Variants in TEX11 observed in about 807,000 individuals in gnomAD.
TEX11 encodes testis-expressed protein 11.
A neutral mutation model predicts 84.4 loss-of-function variants in TEX11; 7 were observed. That is an observed-to-expected ratio of 0.08 (90% CI 0.05 to 0.16). TEX11 has a LOEUF of 0.16. TEX11 is among the 10% of genes least tolerant of loss of function. The pLI, the probability that TEX11 is intolerant of heterozygous loss-of-function variation, is 1.00. For missense variants in TEX11, 551 were observed against 660.5 expected (o/e 0.83, Z 1.82); for synonymous variants, 264 against 222.8 (o/e 1.18, Z -1.64).
intron 2 of TEX11, among the ~76,000 whole-genome samples, chrX:70,885,043 G>C (rs1029647248): frequency 9.0e-6 from 1 of 111,036 alleles, no homozygotes; most frequent in South Asian, 3.9e-4. Flanking sequence ...ACAGTGGCTT[G>C]AGCTGGTACA....
intron 24 of TEX11, among the ~76,000 whole-genome samples, chrX:70,604,366 T>G (rs2089170793): frequency 9.0e-6 from 1 of 111,538 alleles, no homozygotes; most frequent in Non-Finnish European, 1.9e-5. Flanking sequence ...TATTTTGCTC[T>G]GGGGAAGGTA....
chrX:70,714,153 G>A (rs775267645), intron 13 of TEX11, among the ~76,000 whole-genome samples: 1 of 111,678 alleles, frequency 9.0e-6, no homozygotes, highest in Admixed American at 9.5e-5. Flanking sequence ...TGTGGTCTGA[G>A]AGACAGTTTG....
rs139261085 is a variant in TEX11, at chrX:70,874,004, G to T, written c.160-697C>A. Among the ~76,000 whole-genome samples the T allele has an allele frequency of 9.4e-4, 105 of 111,430 alleles. No homozygotes were observed. In the East Asian group the frequency reaches 0.026, roughly 28 times the overall value. On this transcript the variant is annotated intron_variant, in intron 3 of 29. Transcript: ENST00000374333. ...GGGATGGATCCCTCATTGTCTTGGTGCTGTCCTCACAGTAATGAGTGAGTT... is the reference window on the plus strand; with the variant it reads ...GGGATGGATCCCTCATTGTCTTGGTTCTGTCCTCACAGTAATGAGTGAGTT...
chrX:70,601,555 T>TTTTTA (rs1258514562), intron 24 of TEX11, among the ~76,000 whole-genome samples: 2 of 97,363 alleles, frequency 2.1e-5, no homozygotes, highest in African/African-American at 7.5e-5. Context: ...TTTTTTTTTT[T>TTTTTA]ATTGATCATT....
intron 21 of TEX11, among the ~76,000 whole-genome samples, chrX:70,609,750 A>G (rs1264083417): frequency 8.9e-6 from 1 of 112,118 alleles, no homozygotes; most frequent in Non-Finnish European, 1.9e-5. Context: ...TGCACTGAGC[A>G]GGATAGAATT....
chrX:70,850,976 T>C (rs939265249), intron 7 of TEX11, among the ~76,000 whole-genome samples: 6 of 112,207 alleles, frequency 5.3e-5, no homozygotes, highest in African/African-American at 1.6e-4. Context: ...AGACATCCCA[T>C]GTTCATGGAT....
At chrX:70,706,542 A>C (rs1241469240) in intron 13 of TEX11, among the ~76,000 whole-genome samples, 1 of 111,115 alleles carries the variant, frequency 9.0e-6, no homozygotes, top group Non-Finnish European at 1.9e-5. Flanking sequence ...GGTAGGCAAG[A>C]AGTAGAATAG....
At chrX:70,850,350 G>C (rs1301225444) in intron 7 of TEX11, among the ~76,000 whole-genome samples, 1 of 111,556 alleles carries the variant, frequency 9.0e-6, no homozygotes, top group Non-Finnish European at 1.9e-5. Flanking sequence ...ACCTAGATGA[G>C]GACACTATGT....
At chrX:70,581,294 CTTTT>C (rs35102694) in intron 25 of TEX11, among the ~76,000 whole-genome samples, 1 of 43,627 alleles carries the variant, frequency 2.3e-5, no homozygotes, top group Non-Finnish European at 4.1e-5. Flanking sequence ...TATACTGTTG[CTTTT>C]TTTTTTTTTT....
intron 13 of TEX11, among the ~76,000 whole-genome samples, chrX:70,719,811 C>A (rs1253972799): frequency 3.6e-5 from 4 of 111,487 alleles, no homozygotes; most frequent in Non-Finnish European, 5.7e-5. Flanking sequence ...AAATCAAAAC[C>A]ACAATGAGAT....
At chrX:70,515,455 C>A in the TEX11 span, among the ~76,000 whole-genome samples, 13 of 111,827 alleles carry the variant, frequency 1.2e-4, no homozygotes, top group Non-Finnish European at 1.7e-4. Flanking sequence ...TGAACTCATC[C>A]TTTTTTATGG....
chrX:70,585,255 A>T (rs7058466), intron 25 of TEX11, among the ~76,000 whole-genome samples: 31 of 112,282 alleles, frequency 2.8e-4, no homozygotes, highest in Non-Finnish European at 5.3e-4. Flanking sequence ...GAGGAAATTA[A>T]GAAAACAATT....
At chrX:70,524,519 A>G (rs951041110), downstream of TEX11, among the ~76,000 whole-genome samples, 1 of 112,761 alleles carries the variant, frequency 8.9e-6, no homozygotes, top group Non-Finnish European at 1.9e-5. Flanking sequence ...TTAGCTGGCA[A>G]GAGCAATTTA....
chrX:70,742,598 G>A (rs1390163930), intron 10 of TEX11, among the ~76,000 whole-genome samples: 2 of 109,704 alleles, frequency 1.8e-5, no homozygotes, highest in East Asian at 5.8e-4. Context: ...ATGTGGTGGA[G>A]TGTACCTGTA....
rs1397427026 is a variant in TEX11 at position 70,841,072 on chromosome X, A to C, written c.526-7479T>G. On this transcript the variant is annotated intron_variant, in intron 7 of 29. Coordinates refer to ENST00000374333, the MANE Select transcript of TEX11 (RefSeq NM_031276.3). ...CACTGTCAACATTAGACAGATCAATAAGACAGAAAGTTAACAAGGATACCC... is the reference window on the plus strand; with the variant it reads ...CACTGTCAACATTAGACAGATCAATCAGACAGAAAGTTAACAAGGATACCC... Among the ~76,000 whole-genome samples the C allele has an allele frequency of 2.7e-5, 3 of 110,958 alleles. No homozygotes were observed. In the South Asian group the frequency reaches 1.2e-3, roughly 43 times the overall value.
chrX:70,710,280 C>T (rs2090416139), intron 13 of TEX11, among the ~76,000 whole-genome samples: 1 of 111,238 alleles, frequency 9.0e-6, no homozygotes, highest in Non-Finnish European at 1.9e-5. Flanking sequence ...TAGATGTGAT[C>T]TTTTTTGTTT....
intron 2 of TEX11, among the ~76,000 whole-genome samples, chrX:70,902,076 C>T (rs751699706): frequency 5.8e-4 from 65 of 111,637 alleles, no homozygotes; most frequent in Non-Finnish European, 1.0e-3. Context: ...ATAGGGAGAT[C>T]CCGTCTCCAC....
intron 9 of TEX11, among the ~76,000 whole-genome samples, chrX:70,757,528 A>G (rs2090876125): frequency 8.9e-6 from 1 of 111,898 alleles, no homozygotes; most frequent in African/African-American, 3.3e-5. Context: ...ACTAAGCTTC[A>G]TAAGTGAAGG....
chrX:70,858,824 G>A (rs769829130), intron 5 of TEX11, among the ~76,000 whole-genome samples: 1 of 111,523 alleles, frequency 9.0e-6, no homozygotes, highest in Non-Finnish European at 1.9e-5. Flanking sequence ...GATCACCTGA[G>A]CTCAGGAGTT....
Sources: gnomAD v4.1 joint callset for allele counts (sites outside exome capture counted in the v4.1 genomes callset) on GRCh38, gnomAD v4.1.1 for gene constraint, MANE v1.5 for transcripts, NCBI Gene and HGNC (gene_info 2026-07-23, HGNC 2026-07-21) for gene names.